CYTH3: variants seen among roughly 807,000 people sequenced by gnomAD.
CYTH3 encodes cytohesin 3, also known as cytohesin-3.
CYTH3 carries 23 observed loss-of-function variants against 55.1 expected under a neutral mutation model. That is an observed-to-expected ratio of 0.42 (90% CI 0.30 to 0.59). The LOEUF is 0.59. Among genes scored for constraint, CYTH3 ranks in the 20% least tolerant of loss-of-function variants. The pLI is 0.20. For synonymous variants in CYTH3, 249 were observed against 194.9 expected (o/e 1.28, Z -2.31); for missense variants, 413 against 524.8 (o/e 0.79, Z 2.08).
intron 1 of CYTH3, among the ~76,000 whole-genome samples, chr7:6,241,361 A>G (rs1438779977): frequency 1.3e-5 from 2 of 152,238 alleles, no homozygotes; most frequent in African/African-American, 4.8e-5. Flanking sequence ...ATGCAAACTA[A>G]ACGGAAATAC....
At chr7:6,166,611 G>C (rs1783017416) in intron 9 of CYTH3, among the ~76,000 whole-genome samples, 1 of 152,182 alleles carries the variant, frequency 6.6e-6, no homozygotes, top group Admixed American at 6.5e-5. Context: ...TGTGCGAAGG[G>C]CTCTGTGGAT....
At chr7:6,180,363 G>C (rs534585734) in intron 4 of CYTH3, among the ~76,000 whole-genome samples, 1 of 152,342 alleles carries the variant, frequency 6.6e-6, no homozygotes, top group East Asian at 1.9e-4. Context: ...GACAAGCAGA[G>C]GAGGAGGACA....
chr7:6,264,574 T>C (rs1031992077), intron 1 of CYTH3, among the ~76,000 whole-genome samples: 1 of 152,208 alleles, frequency 6.6e-6, no homozygotes, highest in African/African-American at 2.4e-5. Flanking sequence ...ATCACACCAC[T>C]GCACTCCAGC....
chr7:6,261,463 C>G (rs1260684126), intron 1 of CYTH3, among the ~76,000 whole-genome samples: 2 of 151,954 alleles, frequency 1.3e-5, no homozygotes, highest in Non-Finnish European at 2.9e-5. Context: ...GCCTGTAATC[C>G]CAGCACCTTT....
rs914708367 is a variant in CYTH3, at chr7:6,164,509, T to C, written c.*435A>G. 1.7e-5 allele frequency: 3 copies of C among 174,134 alleles called. No homozygotes were observed. In the Admixed American group the frequency reaches 1.8e-4, roughly 10 times the overall value. The allele number at this position is 174,134 out of a possible 1,614,324, so 10.8% of individuals were successfully genotyped here. On this transcript the variant is annotated 3_prime_UTR_variant, in exon 13 of 13. Transcript: ENST00000350796. ...AACAGTGGCTTTCTAGAACGGTTAATACTGCCCCGAGTGAATGCGTTTGGC... is the reference window on the plus strand; with the variant it reads ...AACAGTGGCTTTCTAGAACGGTTAACACTGCCCCGAGTGAATGCGTTTGGC...
chr7:6,271,683 A>G (rs1320661297), intron 1 of CYTH3, among the ~76,000 whole-genome samples: 3 of 152,134 alleles, frequency 2.0e-5, no homozygotes, highest in Non-Finnish European at 4.4e-5. Flanking sequence ...TCCTCCAGCA[A>G]GAGGAAACCG....
intron 1 of CYTH3, among the ~76,000 whole-genome samples, chr7:6,219,977 G>A (rs1202920886): frequency 6.6e-6 from 1 of 152,136 alleles, no homozygotes; most frequent in East Asian, 1.9e-4. Context: ...GAATGGAACA[G>A]AAGAGAGAAC....
intron 1 of CYTH3, among the ~76,000 whole-genome samples, chr7:6,264,924 C>G (rs757288055): frequency 1.6e-4 from 25 of 152,224 alleles, no homozygotes; most frequent in Admixed American, 2.6e-4. Flanking sequence ...AAAAATAGAG[C>G]TGACAGTAAC....
Position 6,165,627 on chromosome 7 carries a change from A to C in CYTH3, c.901-11T>G. ...CCTGGGCTCCTTATCCTACAAGAGG[A>C]AAGTACACGGCGGGGCTCACTGTGG... is the stretch of plus-strand genomic sequence containing the variant. On this transcript the variant is annotated splice_polypyrimidine_tract_variant and intron_variant, in intron 10 of 12. Transcript: ENST00000350796. The C allele has an allele frequency of 6.2e-7, 1 of 1,613,770 alleles. No homozygotes were observed. The highest frequency in any genetic ancestry group is 8.5e-7 in the Non-Finnish European group (1 of 1,179,808).
intron 4 of CYTH3, among the ~76,000 whole-genome samples, chr7:6,183,482 TACTCATTAATGA>T (rs1421149996): frequency 6.6e-6 from 1 of 152,198 alleles, no homozygotes; most frequent in African/African-American, 2.4e-5. Context: ...CCTTCCCTCT[TACTCATTAATGA>T]ACTCAAGTAC....
intron 1 of CYTH3, among the ~76,000 whole-genome samples, chr7:6,205,035 G>A (rs903908821): frequency 2.6e-5 from 4 of 152,002 alleles, no homozygotes; most frequent in Non-Finnish European, 5.9e-5. Context: ...GTATGGTGGT[G>A]CACACCTGTA....
chr7:6,176,694 T>C (rs1005959087), intron 5 of CYTH3, among the ~76,000 whole-genome samples: 1 of 152,236 alleles, frequency 6.6e-6, no homozygotes, highest in Non-Finnish European at 1.5e-5. Context: ...ATTTCTTCCT[T>C]TCCAATTTGG....
intron 1 of CYTH3, among the ~76,000 whole-genome samples, chr7:6,196,169 G>A (rs958999507): frequency 6.6e-6 from 1 of 152,124 alleles, no homozygotes; most frequent in Non-Finnish European, 1.5e-5. Flanking sequence ...ATTCTCCTTG[G>A]CTCAGCCTAG....
intron 4 of CYTH3, among the ~76,000 whole-genome samples, chr7:6,180,945 T>G (rs139468126): frequency 0.012 from 1,797 of 152,302 alleles, 22 homozygotes; most frequent in Non-Finnish European, 0.016. Context: ...AGTTAGCACT[T>G]ACTCCTGACC....
chr7:6,179,762 A>ACACCCCCACCC (rs1562881537), intron 4 of CYTH3, among the ~76,000 whole-genome samples: 1 of 100,460 alleles, frequency 1.0e-5, no homozygotes, highest in Non-Finnish European at 1.9e-5. Flanking sequence ...CACCCCCACC[A>ACACCCCCACCC]CACACACCCC....
At chr7:6,213,910 C>A (rs568528368) in intron 1 of CYTH3, among the ~76,000 whole-genome samples, 1 of 152,270 alleles carries the variant, frequency 6.6e-6, no homozygotes, top group African/African-American at 2.4e-5. Context: ...TTCTCAGCCA[C>A]ATAACGCATC....
intron 6 of CYTH3, chr7:6,172,627 T>G (rs1583737960): frequency 3.5e-6 from 3 of 849,140 alleles, no homozygotes; most frequent in Non-Finnish European, 4.4e-6. Context: ...CCCACGGCTG[T>G]GGGAATTAAT....
intron 1 of CYTH3, among the ~76,000 whole-genome samples, chr7:6,263,304 A>G (rs183390582): frequency 7.2e-5 from 11 of 152,352 alleles, no homozygotes; most frequent in Non-Finnish European, 1.2e-4. Context: ...GCTGATTAGA[A>G]TGCTGGGAAA....
At chr7:6,223,041 T>G (rs1350996701) in intron 1 of CYTH3, among the ~76,000 whole-genome samples, 3 of 152,226 alleles carry the variant, frequency 2.0e-5, no homozygotes, top group Non-Finnish European at 4.4e-5. Context: ...CAAATAAAAA[T>G]GAATAAGGAT....
Sources: allele counts gnomAD v4.1 joint callset (sites outside exome capture counted in the v4.1 genomes callset), GRCh38; gene constraint gnomAD v4.1.1; transcripts MANE v1.5; gene names NCBI Gene and HGNC (gene_info 2026-07-23, HGNC 2026-07-21).